PIK3R5: variants seen among roughly 807,000 people sequenced by gnomAD.
PIK3R5 encodes phosphoinositide 3-kinase regulatory subunit 5.
A neutral mutation model predicts 94.9 loss-of-function variants in PIK3R5; 32 were observed. The observed-to-expected ratio is 0.34, with a 90% confidence interval of 0.25 to 0.45. The LOEUF (loss-of-function observed/expected upper bound fraction) is 0.45. Among genes scored for constraint, PIK3R5 ranks in the 20% least tolerant of loss-of-function variants. The pLI is 1.00. For missense variants in PIK3R5, 853 were observed against 1,144.6 expected, an observed-to-expected ratio of 0.75 and a Z score of 3.68; for synonymous variants, 443 against 479.4, an observed-to-expected ratio of 0.92 and a Z score of 0.99.
Position 8,881,613 on chromosome 17 carries a change from G to C in PIK3R5, c.2382+17C>G. ...AGTCTCTTGAGGGTATGGCTGGAAG[G>C]AGAGGGAAGCCCGTACCTGGTTAAA... On this transcript the variant is annotated intron_variant, in intron 17 of 18. Coordinates refer to ENST00000447110, the MANE Select transcript of PIK3R5 (RefSeq NM_001142633.3). The surrounding 1 kb of genome is among the most constrained non-coding windows in gnomAD (Gnocchi z 4.8). The C allele has an allele frequency of 1.2e-6, 2 of 1,600,468 alleles. No homozygotes were observed. The highest frequency in any genetic ancestry group is 1.7e-6 in the Non-Finnish European group (2 of 1,170,460).
At chr17:8,943,161 A>T (rs1203210651) in intron 1 of PIK3R5, among the ~76,000 whole-genome samples, 1 of 151,360 alleles carries the variant, frequency 6.6e-6, no homozygotes, top group Admixed American at 6.6e-5. Context: ...TGCAACCTTG[A>T]ACTCCCAGGC....
At chr17:8,956,888 G>A (rs2091474752) in intron 1 of PIK3R5, among the ~76,000 whole-genome samples, 1 of 152,194 alleles carries the variant, frequency 6.6e-6, no homozygotes, top group East Asian at 1.9e-4. Context: ...AAGGAGCCAA[G>A]AACAAGAGAC....
chr17:8,941,359 A>T (rs880953), intron 1 of PIK3R5, among the ~76,000 whole-genome samples: 6 of 151,674 alleles, frequency 4.0e-5, no homozygotes, highest in African/African-American at 2.4e-5. Context: ...AGGCAGCAGA[A>T]GACAAGAAGG....
rs945937744 is a variant in PIK3R5 at position 8,880,602 on chromosome 17, C to T, written c.*37G>A. ...CCTGGAGGGGTGGCCGAGGAGGTTGCCCCAGGGCTTCTGTCCAGTCTGGCG... is the reference window on the plus strand; with the variant it reads ...CCTGGAGGGGTGGCCGAGGAGGTTGTCCCAGGGCTTCTGTCCAGTCTGGCG... On this transcript the variant is annotated 3_prime_UTR_variant, in exon 19 of 19. Transcript: ENST00000447110. 7 of 1,557,948 alleles carry T rather than the reference C, an allele frequency of 4.5e-6. No individual in the cohort carries two copies. The highest frequency in any genetic ancestry group is 6.1e-6 in the Non-Finnish European group (7 of 1,152,764).
chr17:8,954,706 C>T (rs900027928), intron 1 of PIK3R5, among the ~76,000 whole-genome samples: 1 of 152,052 alleles, frequency 6.6e-6, no homozygotes, highest in African/African-American at 2.4e-5. Context: ...GAGGCCGAGG[C>T]GGGTAGATCA....
In PIK3R5 at chr17:8,903,636, T is replaced by C. The variant is rs1392111529; in HGVS notation, c.412+1141A>G. Among the ~76,000 whole-genome samples the C allele has an allele frequency of 2.0e-5, 3 of 151,940 alleles. No homozygotes were observed. The East Asian group carries it at 5.8e-4, about 29-fold the overall frequency. On this transcript the variant is annotated intron_variant, in intron 5 of 18. Coordinates refer to ENST00000447110, the MANE Select transcript of PIK3R5 (RefSeq NM_001142633.3). ...TTGATTCAACCCAGCAATACGATTCTTCAATTATTCATTCTTCAGCAAAGT... is the reference window on the plus strand; with the variant it reads ...TTGATTCAACCCAGCAATACGATTCCTCAATTATTCATTCTTCAGCAAAGT...
At chr17:8,938,102 C>T (rs2091109528) in intron 1 of PIK3R5, among the ~76,000 whole-genome samples, 1 of 152,164 alleles carries the variant, frequency 6.6e-6, no homozygotes, top group South Asian at 2.1e-4. Context: ...TGAGCCACCG[C>T]ACCCGGCCAT....
At position 8,909,214 on chromosome 17, in the gene PIK3R5, C is replaced by T. The variant is rs1280601864; in HGVS notation, c.104-40G>A. The T allele has an allele frequency of 8.7e-6, 11 of 1,264,268 alleles. No individual in the cohort carries two copies. Among genetic ancestry groups the T allele is most frequent in the Non-Finnish European group, 1.2e-5 (11 of 884,896 alleles). 78.3% of individuals were successfully genotyped at this position (1,264,268 alleles called of 1,614,324 possible). A position where few individuals can be genotyped will look rare whatever the true frequency, so the allele number is the denominator to read the frequency against. ...AGAGGCAAGGGGTCAGTTCTGGTGT[C>T]TTCCAGTCACACTCAGGCAGGGGCT... On this transcript the variant is annotated intron_variant, in intron 2 of 18. Coordinates refer to ENST00000447110, the MANE Select transcript of PIK3R5 (RefSeq NM_001142633.3). The surrounding 1 kb of genome is among the most constrained non-coding windows in gnomAD (Gnocchi z 4.3).
chr17:8,924,976 A>G lies in PIK3R5; in HGVS notation c.-13-13469T>C, dbSNP rs191816964. Among the ~76,000 whole-genome samples the G allele has an allele frequency of 5.3e-5, 8 of 152,314 alleles. No individual in the cohort carries two copies. In the East Asian group the frequency reaches 1.5e-3, roughly 29 times the overall value. ...TCAGGCACTGATGCAGTCTCTCCCA[A>G]CTTCTCACCAAATATACCAGATAGA... On this transcript the variant is annotated intron_variant, in intron 1 of 18. Transcript: ENST00000447110.
At position 8,881,107 on chromosome 17, in the gene PIK3R5, C is replaced by T. The variant is rs921245228; in HGVS notation, c.2383-90G>A. Reference sequence around the variant, plus strand: ...TCCTTTTCTCAGAACTGCCCATCCACTTCTAGGGGTGTGGGAGGGCAGGGG... The same window carrying T: ...TCCTTTTCTCAGAACTGCCCATCCATTTCTAGGGGTGTGGGAGGGCAGGGG... On this transcript the variant is annotated intron_variant, in intron 17 of 18. Transcript: ENST00000447110. The surrounding 1 kb of genome is among the most constrained non-coding windows in gnomAD (Gnocchi z 4.8). The T allele has an allele frequency of 2.1e-6, 2 of 953,974 alleles. No individual in the cohort carries two copies. Among genetic ancestry groups the T allele is most frequent in the Non-Finnish European group, 1.7e-6 (1 of 586,150 alleles). 59.1% of individuals were successfully genotyped at this position (953,974 alleles called of 1,614,324 possible).
chr17:8,957,227 T>G (rs1291900054), intron 1 of PIK3R5, among the ~76,000 whole-genome samples: 3 of 152,190 alleles, frequency 2.0e-5, no homozygotes, highest in Admixed American at 2.0e-4. Flanking sequence ...ATATATAACA[T>G]GTATTTTCCC....
In PIK3R5 at chr17:8,955,614, C is replaced by T. The variant is rs965346346; in HGVS notation, c.-14+9982G>A. ...GGAAGAGCCTGTGGTCCAAAAGGCCCACCAGAGGCATATGGTAAATAAAGC... is the reference window on the plus strand; with the variant it reads ...GGAAGAGCCTGTGGTCCAAAAGGCCTACCAGAGGCATATGGTAAATAAAGC... On this transcript the variant is annotated intron_variant, in intron 1 of 18. Coordinates refer to ENST00000447110, the MANE Select transcript of PIK3R5 (RefSeq NM_001142633.3). The surrounding 1 kb of genome is among the most constrained non-coding windows in gnomAD (Gnocchi z 4.4). Among the ~76,000 whole-genome samples, 1 of 152,038 alleles carries T rather than the reference C, an allele frequency of 6.6e-6. No homozygotes were observed. Among genetic ancestry groups the T allele is most frequent in the African/African-American group, 2.4e-5 (1 of 41,378 alleles).
intron 1 of PIK3R5, among the ~76,000 whole-genome samples, chr17:8,951,240 C>T (rs2091369910): frequency 6.6e-6 from 1 of 152,188 alleles, no homozygotes; most frequent in African/African-American, 2.4e-5. Context: ...TATTTTCTCC[C>T]ATTCTGTAGG....
At chr17:8,919,433 G>A (rs1370542762) in intron 1 of PIK3R5, among the ~76,000 whole-genome samples, 2 of 152,152 alleles carry the variant, frequency 1.3e-5, no homozygotes, top group East Asian at 1.9e-4. Context: ...GTGGACTAGC[G>A]CAAGGCTGGC....
intron 1 of PIK3R5, among the ~76,000 whole-genome samples, chr17:8,920,426 G>A (rs758847837): frequency 6.6e-6 from 1 of 152,208 alleles, no homozygotes; most frequent in African/African-American, 2.4e-5. Flanking sequence ...GCTCTGAGTG[G>A]TGAAGGGACT....
rs1194121356 is a variant in PIK3R5 at position 8,889,733 on chromosome 17, C to A, written c.811+240G>T. Among the ~76,000 whole-genome samples, 1 of 152,080 alleles carries A rather than the reference C, an allele frequency of 6.6e-6. No individual in the cohort carries two copies. The highest frequency in any genetic ancestry group is 1.5e-5 in the Non-Finnish European group (1 of 67,996). On this transcript the variant is annotated intron_variant, in intron 8 of 18. Coordinates refer to ENST00000447110, the MANE Select transcript of PIK3R5 (RefSeq NM_001142633.3). The surrounding 1 kb of genome is among the most constrained non-coding windows in gnomAD (Gnocchi z 4.1). ...TTCAACAGAAAAGCCCAGCCTTTGC[C>A]CTCGTAAGCACTCTCTTTTCCTCTT...
Position 8,905,053 on chromosome 17 carries a change from T to G in PIK3R5, c.274-138A>C, listed in dbSNP as rs887836028. On this transcript the variant is annotated intron_variant, in intron 4 of 18. Coordinates refer to ENST00000447110, the MANE Select transcript of PIK3R5 (RefSeq NM_001142633.3). Reference sequence around the variant, plus strand: ...GGCCGCAGCGTGTCCCAGGACAAGGTCAGGTGGAACTGGAAGTTACTCACA... The same window carrying G: ...GGCCGCAGCGTGTCCCAGGACAAGGGCAGGTGGAACTGGAAGTTACTCACA... The G allele has an allele frequency of 5.3e-6, 5 of 941,374 alleles. No homozygotes were observed. In the African/African-American group the frequency reaches 8.1e-5, roughly 15 times the overall value. The allele number at this position is 941,374 out of a possible 1,614,324, so 58.3% of individuals were successfully genotyped here.
chr17:8,894,324 G>A (rs918241432), intron 5 of PIK3R5, among the ~76,000 whole-genome samples: 1 of 152,256 alleles, frequency 6.6e-6, no homozygotes, highest in Non-Finnish European at 1.5e-5. Flanking sequence ...CCCCTCTCCC[G>A]GTCCGGGGTG....
chr17:8,913,058 CACAG>C, intron 1 of PIK3R5, among the ~76,000 whole-genome samples: 1 of 152,286 alleles, frequency 6.6e-6, no homozygotes, highest in Admixed American at 6.5e-5. Flanking sequence ...TGGTGGGAGA[CACAG>C]ACACTGAGCA....
Sources: allele counts gnomAD v4.1 joint callset (sites outside exome capture counted in the v4.1 genomes callset), GRCh38; gene constraint gnomAD v4.1.1; non-coding constraint Gnocchi (gnomAD v3.1); transcripts MANE v1.5; gene names NCBI Gene and HGNC (gene_info 2026-07-23, HGNC 2026-07-21).